The following PRKAG2 variants were observed in gnomAD, a reference collection of about 807,000 sequenced individuals.
The protein encoded by PRKAG2 is protein kinase AMP-activated non-catalytic subunit gamma 2, also known as 5'-AMP-activated protein kinase subunit gamma-2.
Under a neutral mutation model 69.6 loss-of-function variants are expected in PRKAG2, and 26 were observed. The observed-to-expected ratio is 0.37, with a 90% CI of 0.27 to 0.52. The LOEUF is 0.52. Among genes scored for constraint, PRKAG2 ranks in the 20% least tolerant of loss-of-function variants. PRKAG2 has a pLI of 0.90. For synonymous variants in PRKAG2, 293 were observed against 285.0 expected (o/e 1.03, Z -0.28); for missense variants, 557 against 740.0 (o/e 0.75, Z 2.87).
At chr7:151,673,838 C>CTT (rs57744338) in intron 4 of PRKAG2, among the ~76,000 whole-genome samples, 13,720 of 87,494 alleles carry the variant, frequency 0.16, 1,083 homozygotes, top group Middle Eastern at 0.25. Flanking sequence ...AGCTTGTGTT[C>CTT]TTTTTTTTTT....
rs1012231689 is a variant in PRKAG2 at position 151,833,072 on chromosome 7, C to T, written c.114+43435G>A. Among the ~76,000 whole-genome samples the T allele has an allele frequency of 3.3e-5, 5 of 152,308 alleles. No individual in the cohort carries two copies. The South Asian group carries it at 8.3e-4, about 25-fold the overall frequency. On this transcript the variant is annotated intron_variant, in intron 1 of 15. Transcript: ENST00000287878. Reference sequence around the variant, plus strand: ...ACAGAAAGACAGACAGCGTCCATCACGAAGCTGGCTTTCCAGTGGAGAGGC... The same window carrying T: ...ACAGAAAGACAGACAGCGTCCATCATGAAGCTGGCTTTCCAGTGGAGAGGC...
At chr7:151,855,592 C>T (rs1177009040) in intron 1 of PRKAG2, among the ~76,000 whole-genome samples, 18 of 138,300 alleles carry the variant, frequency 1.3e-4, no homozygotes, top group East Asian at 2.3e-4. Flanking sequence ...ACACACCACC[C>T]TCCACACACG....
chr7:151,570,757 AT>A (rs1172918102), intron 9 of PRKAG2, among the ~76,000 whole-genome samples: 1 of 151,990 alleles, frequency 6.6e-6, no homozygotes, highest in Non-Finnish European at 1.5e-5. Context: ...ACTGCAATTA[AT>A]TTGCTTTTCC....
At position 151,777,102 on chromosome 7, in the gene PRKAG2, A is replaced by G. The variant is rs2076403040; in HGVS notation, c.466+4050T>C. ...CTGCCTGTCTCGGCCCCTGGCTTTA[A>G]GGAAAGGGTGGAGGGGAGTCTGGGA... On this transcript the variant is annotated intron_variant, in intron 3 of 15. Transcript: ENST00000287878. This position sits in a 1 kb window ranked among gnomAD's most constrained non-coding sequence, Gnocchi z 4.3. Among the ~76,000 whole-genome samples the G allele has an allele frequency of 2.6e-5, 4 of 152,264 alleles. No homozygotes were observed. In the South Asian group the frequency reaches 8.3e-4, roughly 32 times the overall value.
At chr7:151,742,733 G>A (rs998699340) in intron 3 of PRKAG2, among the ~76,000 whole-genome samples, 36 of 152,186 alleles carry the variant, frequency 2.4e-4, no homozygotes, top group African/African-American at 8.2e-4. Context: ...CCTGCCTTGT[G>A]GGTACACCGT....
intron 3 of PRKAG2, among the ~76,000 whole-genome samples, chr7:151,740,957 TA>T (rs1346537669): frequency 6.6e-6 from 1 of 152,254 alleles, no homozygotes; most frequent in Non-Finnish European, 1.5e-5. Context: ...TAACTGTGAT[TA>T]AATTCTGGAA....
chr7:151,801,161 G>A lies in PRKAG2; in HGVS notation c.115-14620C>T, dbSNP rs149000085. 2.6e-5 allele frequency among the ~76,000 whole-genome samples: 4 copies of A among 152,332 alleles called. No homozygotes were observed. The East Asian group carries it at 7.7e-4, about 29-fold the overall frequency. Reference sequence around the variant, plus strand: ...GAGGTCATAGGTTCCCCAGGAAATGGGAACTGGAGAGGTCAATTCTTCCTG... The same window carrying A: ...GAGGTCATAGGTTCCCCAGGAAATGAGAACTGGAGAGGTCAATTCTTCCTG... On this transcript the variant is annotated intron_variant, in intron 1 of 15. Coordinates refer to ENST00000287878, the MANE Select transcript of PRKAG2 (RefSeq NM_016203.4).
chr7:151,623,418 C>T (rs1033565995), intron 5 of PRKAG2, among the ~76,000 whole-genome samples: 2 of 140,348 alleles, frequency 1.4e-5, no homozygotes, highest in African/African-American at 5.3e-5. Context: ...CAACCTAGAT[C>T]CCTTGCTTGT....
intron 1 of PRKAG2, among the ~76,000 whole-genome samples, chr7:151,875,568 T>G (rs1320410254): frequency 5.8e-4 from 28 of 48,514 alleles, no homozygotes; most frequent in Non-Finnish European, 1.2e-3. Flanking sequence ...CTCTGGTGTG[T>G]GTGTGTGTGT....
Position 151,835,542 on chromosome 7 carries a change from C to T in PRKAG2, c.114+40965G>A, listed in dbSNP as rs559752951. On this transcript the variant is annotated intron_variant, in intron 1 of 15. Transcript: ENST00000287878. This position sits in a 1 kb window ranked among gnomAD's most constrained non-coding sequence, Gnocchi z 4.1. ...GCTCTTGTCTGCCTGCTTACCCTTC[C>T]GAGGCATCTAACAGCATCCTCCCTG... Among the ~76,000 whole-genome samples, 11 of 152,178 alleles carry T rather than the reference C, an allele frequency of 7.2e-5. No individual in the cohort carries two copies. The East Asian group carries it at 1.4e-3, about 19-fold the overall frequency.
At chr7:151,754,177 T>C (rs955677380) in intron 3 of PRKAG2, among the ~76,000 whole-genome samples, 1 of 152,168 alleles carries the variant, frequency 6.6e-6, no homozygotes, top group African/African-American at 2.4e-5. Context: ...CTTCCGGGAA[T>C]TTTTCGTTGG....
At chr7:151,574,071 G>A (rs910526612) in intron 8 of PRKAG2, among the ~76,000 whole-genome samples, 2 of 152,186 alleles carry the variant, frequency 1.3e-5, no homozygotes, top group African/African-American at 4.8e-5. Flanking sequence ...GAGCCACTGT[G>A]CCCGGCAAGA....
In PRKAG2 at chr7:151,731,773, A is replaced by T. The variant is rs375829162; in HGVS notation, c.466+49379T>A. ...GCTTCCTGTGGAGAGGAGGGAGGAG[A>T]AGTCAATGACAGGGATTTCATGACC... On this transcript the variant is annotated intron_variant, in intron 3 of 15. Transcript: ENST00000287878. Among the ~76,000 whole-genome samples the T allele has an allele frequency of 7.9e-5, 12 of 152,208 alleles. No homozygotes were observed. In the East Asian group the frequency reaches 9.7e-4, roughly 12 times the overall value.
rs1437619589 is a variant in PRKAG2, at chr7:151,807,190, A to C, written c.115-20649T>G. Among the ~76,000 whole-genome samples the C allele has an allele frequency of 6.6e-6, 1 of 152,140 alleles. No homozygotes were observed. Among genetic ancestry groups the C allele is most frequent in the Non-Finnish European group, 1.5e-5 (1 of 68,028 alleles). Reference sequence around the variant, plus strand: ...GTGCACACTTACGACAACCCATCTAATTGTATACTGTCAGTCAAAGGGCAT... The same window carrying C: ...GTGCACACTTACGACAACCCATCTACTTGTATACTGTCAGTCAAAGGGCAT... On this transcript the variant is annotated intron_variant, in intron 1 of 15. Coordinates refer to ENST00000287878, the MANE Select transcript of PRKAG2 (RefSeq NM_016203.4). The surrounding 1 kb of genome is among the most constrained non-coding windows in gnomAD (Gnocchi z 4.4).
chr7:151,785,334 C>G (rs959625804), intron 2 of PRKAG2, among the ~76,000 whole-genome samples: 2 of 152,370 alleles, frequency 1.3e-5, no homozygotes, highest in African/African-American at 4.8e-5. Flanking sequence ...CGACCCAGTG[C>G]CCGCGGGGCT....
intron 1 of PRKAG2, among the ~76,000 whole-genome samples, chr7:151,802,962 A>ATT (rs536103411): frequency 2.3e-5 from 3 of 131,568 alleles, no homozygotes; most frequent in East Asian, 2.1e-4. Flanking sequence ...ATATATATAT[A>ATT]TTTTTTTTTT....
At position 151,814,338 on chromosome 7, in the gene PRKAG2, C is replaced by G; in HGVS notation, c.115-27797G>C. ...CTTACACACCAAGGAGACAAAGCATCGTGAGGGGGAAAACCGCACACCCAG... is the reference window on the plus strand; with the variant it reads ...CTTACACACCAAGGAGACAAAGCATGGTGAGGGGGAAAACCGCACACCCAG... On this transcript the variant is annotated intron_variant, in intron 1 of 15. Coordinates refer to ENST00000287878, the MANE Select transcript of PRKAG2 (RefSeq NM_016203.4). This position sits in a 1 kb window ranked among gnomAD's most constrained non-coding sequence, Gnocchi z 4.8. 3.9e-6 allele frequency: 4 copies of G among 1,014,588 alleles called. No homozygotes were observed. The highest frequency in any genetic ancestry group is 5.0e-6 in the Non-Finnish European group (4 of 806,330). The allele number at this position is 1,014,588 out of a possible 1,614,324, so 62.8% of individuals were successfully genotyped here.
chr7:151,681,058 C>A (rs1234380502), intron 3 of PRKAG2, among the ~76,000 whole-genome samples: 2 of 152,204 alleles, frequency 1.3e-5, no homozygotes. Flanking sequence ...CCACCCCCTG[C>A]CGAGAGCTCT....
intron 1 of PRKAG2, among the ~76,000 whole-genome samples, chr7:151,861,934 C>T (rs2079938673): frequency 6.6e-6 from 1 of 151,574 alleles, no homozygotes; most frequent in Non-Finnish European, 1.5e-5. Flanking sequence ...AAAACCATCC[C>T]ATCTTCCTGC....
Sources: allele counts gnomAD v4.1 joint callset (sites outside exome capture counted in the v4.1 genomes callset), GRCh38; gene constraint gnomAD v4.1.1; non-coding constraint Gnocchi (gnomAD v3.1); transcripts MANE v1.5; gene names NCBI Gene and HGNC (gene_info 2026-07-23, HGNC 2026-07-21).